The following TMC1 variants were observed in gnomAD, a reference collection of about 807,000 sequenced individuals.
TMC1 encodes the protein transmembrane channel-like protein 1.
TMC1 carries 84 observed loss-of-function variants against 105.8 expected under a neutral mutation model. The observed-to-expected ratio is 0.79, with a 90% CI of 0.67 to 0.95. The LOEUF (loss-of-function observed/expected upper bound fraction) is 0.95. Ranked by LOEUF, TMC1 falls within the 40% of genes least tolerant of loss-of-function variation. TMC1 has a pLI of 0.00. For synonymous variants in TMC1, 315 were observed against 311.5 expected (o/e 1.01, Z -0.12); for missense variants, 817 against 914.1 (o/e 0.89, Z 1.37).
At chr9:72,635,888 C>T (rs1825525460) in intron 4 of TMC1, among the ~76,000 whole-genome samples, 2 of 152,178 alleles carry the variant, frequency 1.3e-5, no homozygotes, top group Admixed American at 6.5e-5. Context: ...CAGATAAATT[C>T]ATCACCTAAG....
intron 20 of TMC1, among the ~76,000 whole-genome samples, chr9:72,823,113 A>G (rs992644749): frequency 6.6e-6 from 1 of 152,178 alleles, no homozygotes; most frequent in African/African-American, 2.4e-5. Context: ...GTGATTTGTG[A>G]GAAATCAGGG....
chr9:72,648,694 A>G (rs201112008), intron 5 of TMC1, 30 bp downstream of exon 5: 229 of 1,592,550 alleles, frequency 1.4e-4, no homozygotes, highest in Non-Finnish European at 1.8e-4. Context: ...TGTCTGTAGG[A>G]CACTATGTCT....
chr9:72,564,155 T>G lies in TMC1; in HGVS notation c.-427-13747T>G, dbSNP rs139986205. Among the ~76,000 whole-genome samples, 181 of 152,256 alleles carry G rather than the reference T, an allele frequency of 1.2e-3. 1 individual carries two copies. The highest frequency in any genetic ancestry group is 4.2e-3 in the African/African-American group (174 of 41,546). On this transcript the variant is annotated intron_variant, in intron 1 of 23. Coordinates refer to ENST00000297784, the MANE Select transcript of TMC1 (RefSeq NM_138691.3). Reference sequence around the variant, plus strand: ...ACAAATTATATTTTTACCAATGCCATTTTTTGTTGTTATTTTGTGGGTTCT... The same window carrying G: ...ACAAATTATATTTTTACCAATGCCAGTTTTTGTTGTTATTTTGTGGGTTCT...
At chr9:72,567,931 T>C (rs554321825) in intron 1 of TMC1, among the ~76,000 whole-genome samples, 1 of 152,274 alleles carries the variant, frequency 6.6e-6, no homozygotes, top group African/African-American at 2.4e-5. Flanking sequence ...TACTCCTAGA[T>C]GGTGTTTTAT....
intron 2 of TMC1, among the ~76,000 whole-genome samples, chr9:72,605,575 ATTT>A (rs376876900): frequency 0.045 from 5,941 of 131,652 alleles, 172 homozygotes; most frequent in Middle Eastern, 0.11. Context: ...AGTCAGATTA[ATTT>A]TTTTTTTTTT....
At chr9:72,777,874 T>C (rs1175356208) in intron 13 of TMC1, among the ~76,000 whole-genome samples, 1 of 152,206 alleles carries the variant, frequency 6.6e-6, no homozygotes, top group African/African-American at 2.4e-5. Context: ...AAAAAAGCAA[T>C]TTATGCTGTA....
chr9:72,676,828 A>T (rs1384189397), intron 5 of TMC1, among the ~76,000 whole-genome samples: 1 of 152,156 alleles, frequency 6.6e-6, no homozygotes, highest in African/African-American at 2.4e-5. Flanking sequence ...TTGAGATTTC[A>T]TCCAAAGGAA....
chr9:72,632,823 A>G (rs1169230282), intron 4 of TMC1, among the ~76,000 whole-genome samples: 1 of 152,218 alleles, frequency 6.6e-6, no homozygotes, highest in East Asian at 1.9e-4. Context: ...AAAGAAACCA[A>G]AATTAAACTC....
intron 1 of TMC1, among the ~76,000 whole-genome samples, chr9:72,544,482 T>TA (rs1302047464): frequency 6.7e-6 from 1 of 148,892 alleles, no homozygotes; most frequent in Admixed American, 6.7e-5. Flanking sequence ...TTTTAACTTT[T>TA]TTTTTTTTTT....
At chr9:72,542,574 T>C (rs916991634) in intron 1 of TMC1, among the ~76,000 whole-genome samples, 4 of 151,320 alleles carry the variant, frequency 2.6e-5, no homozygotes, top group African/African-American at 9.7e-5. Context: ...GAGCTGACAT[T>C]GTGCCACTGC....
chr9:72,650,750 T>C (rs1455641879), intron 5 of TMC1, among the ~76,000 whole-genome samples: 1 of 151,204 alleles, frequency 6.6e-6, no homozygotes, highest in African/African-American at 2.4e-5. Context: ...GAGAACGTGG[T>C]ATTTGGTTGT....
chr9:72,826,976 C>G lies in TMC1; in HGVS notation c.2111C>G (p.Ala704Gly), dbSNP rs376843201. 6.2e-7 allele frequency: 1 copy of G among 1,613,944 alleles called. No individual in the cohort carries two copies. Among genetic ancestry groups the G allele is most frequent in the Non-Finnish European group, 8.5e-7 (1 of 1,179,942 alleles). The change falls in exon 21 of 24, where the codon GCT becomes GGT. Residue 704 changes from alanine (A) to glycine (G), a missense_variant. Ala to Gly is a moderately conservative substitution (Grantham distance 60). Coordinates refer to ENST00000297784, the MANE Select transcript of TMC1 (RefSeq NM_138691.3). ...RQLSNPGLVI[A>G]VILVMVLAIY... Reference sequence around the variant, plus strand: ...CTTTCAAACCCTGGGCTGGTCATTGCTGTCATTTTGGTGATGGTGTATGTG... The same window carrying G: ...CTTTCAAACCCTGGGCTGGTCATTGGTGTCATTTTGGTGATGGTGTATGTG...
intron 17 of TMC1, among the ~76,000 whole-genome samples, chr9:72,795,161 C>T (rs1336875324): frequency 1.3e-5 from 2 of 152,048 alleles, no homozygotes; most frequent in Non-Finnish European, 2.9e-5. Context: ...CACTGGCATC[C>T]CTGAAAGGGA....
In TMC1 at chr9:72,816,200, G is replaced by T; in HGVS notation, c.1753G>T (p.Gly585Cys). Residue 585 changes from glycine (G) to cysteine (C), a missense_variant, in exon 19 of 24, where the codon GGC becomes TGC. By Grantham distance (159) the Gly-to-Cys change is radical. Coordinates refer to ENST00000297784, the MANE Select transcript of TMC1 (RefSeq NM_138691.3). ...GNVLALIFNQ[G>C]MIWMGSFFAP... ...CGTCCTCGCTCTGATCTTCAACCAAGGCATGATCTGGTAGGCCAGCTGTTG... is the reference window on the plus strand; with the variant it reads ...CGTCCTCGCTCTGATCTTCAACCAATGCATGATCTGGTAGGCCAGCTGTTG... The T allele has an allele frequency of 6.2e-7, 1 of 1,613,562 alleles. No individual in the cohort carries two copies. The highest frequency in any genetic ancestry group is 8.5e-7 in the Non-Finnish European group (1 of 1,179,546).
chr9:72,696,319 C>T (rs1202724936), intron 7 of TMC1, among the ~76,000 whole-genome samples: 1 of 152,166 alleles, frequency 6.6e-6, no homozygotes, highest in Non-Finnish European at 1.5e-5. Context: ...TTACCTCCCA[C>T]TCTTCCACAT....
At chr9:72,835,024 T>G (rs1829098377) in intron 23 of TMC1, among the ~76,000 whole-genome samples, 1 of 152,222 alleles carries the variant, frequency 6.6e-6, no homozygotes, top group Admixed American at 6.5e-5. Context: ...TTTCAGTTTG[T>G]TAGAATTGAT....
intron 23 of TMC1, among the ~76,000 whole-genome samples, chr9:72,830,981 T>C (rs537595634): frequency 6.6e-6 from 1 of 152,254 alleles, no homozygotes; most frequent in South Asian, 2.1e-4. Flanking sequence ...ATCCCCCATA[T>C]AGTCGTCTAC....
At chr9:72,711,379 C>T (rs923464534) in intron 8 of TMC1, among the ~76,000 whole-genome samples, 33 of 152,204 alleles carry the variant, frequency 2.2e-4, no homozygotes, top group African/African-American at 7.2e-4. Context: ...TTTAGACTCC[C>T]ACCAACAGTG....
At position 72,692,142 on chromosome 9, in the gene TMC1, C is replaced by A. The variant is rs34874821; in HGVS notation, c.65-2401C>A. ...ATTTGAGTGAGGCATACTATTCAAA[C>A]GGCTATCTTTGCTCTCATTGGTTCC... is the stretch of plus-strand genomic sequence containing the variant. On this transcript the variant is annotated intron_variant, in intron 6 of 23. Coordinates refer to ENST00000297784, the MANE Select transcript of TMC1 (RefSeq NM_138691.3). Among the ~76,000 whole-genome samples the A allele has an allele frequency of 4.9e-3, 744 of 152,248 alleles. 6 individuals are homozygous for A. The highest frequency in any genetic ancestry group is 0.017 in the African/African-American group (717 of 41,548).
Sources: gnomAD v4.1 joint callset for allele counts (sites outside exome capture counted in the v4.1 genomes callset) on GRCh38, gnomAD v4.1.1 for gene constraint, MANE v1.5 for transcripts, NCBI Gene and HGNC (gene_info 2026-07-23, HGNC 2026-07-21) for gene names.